The following SEMA3A variants were observed in gnomAD, a reference collection of about 807,000 sequenced individuals.
The protein encoded by SEMA3A is semaphorin-3A.
SEMA3A carries 29 observed loss-of-function variants against 97.9 expected under a neutral mutation model. That is an observed-to-expected ratio of 0.30 (90% CI 0.22 to 0.40). SEMA3A has a LOEUF of 0.40. Among genes scored for constraint, SEMA3A ranks in the 10% least tolerant of loss-of-function variants. The probability of loss-of-function intolerance (pLI) is 1.00; values close to 1 mark genes in which losing one functional copy is unlikely to be tolerated. For synonymous variants in SEMA3A, 321 were observed against 323.7 expected, an observed-to-expected ratio of 0.99 and a Z score of 0.09; for missense variants, 763 against 951.3, an observed-to-expected ratio of 0.80 and a Z score of 2.60.
intron 3 of SEMA3A, among the ~76,000 whole-genome samples, chr7:84,250,796 T>C (rs1176856736): frequency 1.3e-5 from 2 of 152,250 alleles, no homozygotes; most frequent in African/African-American, 4.8e-5. Context: ...CCTCTATCAA[T>C]AGGTTATTTT....
In SEMA3A at chr7:83,982,525, T is replaced by C. The variant is rs1180839132; in HGVS notation, c.1495-1047A>G. On this transcript the variant is annotated intron_variant, in intron 13 of 16. Coordinates refer to ENST00000265362, the MANE Select transcript of SEMA3A (RefSeq NM_006080.3). ...CATTTACTGTTATTGGCACCATAGC[T>C]CTCTTTTCTTGCACTAGAGGATTCA... Among the ~76,000 whole-genome samples, 3 of 152,158 alleles carry C rather than the reference T, an allele frequency of 2.0e-5. No individual in the cohort carries two copies. In the East Asian group the frequency reaches 5.8e-4, roughly 29 times the overall value.
chr7:84,339,082 C>T (rs1802100804), intron 2 of SEMA3A, among the ~76,000 whole-genome samples: 1 of 151,968 alleles, frequency 6.6e-6, no homozygotes. Context: ...TAATTTAGTG[C>T]CAGGAATTGC....
At chr7:84,491,278 T>G (rs1204497881) in intron 1 of SEMA3A, among the ~76,000 whole-genome samples, 7 of 152,148 alleles carry the variant, frequency 4.6e-5, no homozygotes, top group Non-Finnish European at 1.0e-4. Context: ...ACTCTACATA[T>G]GTGCATTGCC....
chr7:84,260,731 G>C (rs914920531), intron 3 of SEMA3A, among the ~76,000 whole-genome samples: 1 of 152,296 alleles, frequency 6.6e-6, no homozygotes, highest in Non-Finnish European at 1.5e-5. Flanking sequence ...AGGCCAAGGG[G>C]GGGACTGAGG....
At chr7:84,199,005 T>G (rs1005399399), upstream of SEMA3A, among the ~76,000 whole-genome samples, 6 of 152,226 alleles carry the variant, frequency 3.9e-5, no homozygotes, top group Non-Finnish European at 7.3e-5. Flanking sequence ...AACCAATGTG[T>G]CTAATTTTAA....
intron 2 of SEMA3A, among the ~76,000 whole-genome samples, chr7:84,347,410 CTTTT>C (rs549082504): frequency 7.3e-6 from 1 of 136,496 alleles, no homozygotes; most frequent in Non-Finnish European, 1.6e-5. Context: ...TTCTTCAAAC[CTTTT>C]TTTTTTTTTT....
chr7:84,185,405 C>T (rs1797846937), intron 1 of SEMA3A, among the ~76,000 whole-genome samples: 1 of 151,904 alleles, frequency 6.6e-6, no homozygotes, highest in Admixed American at 6.6e-5. Context: ...GGTGTGGTGA[C>T]TCATGCCTGT....
intron 1 of SEMA3A, among the ~76,000 whole-genome samples, chr7:84,191,455 T>C (rs1032037628): frequency 1.3e-5 from 2 of 151,726 alleles, no homozygotes; most frequent in African/African-American, 4.8e-5. Flanking sequence ...CATTGGATGA[T>C]GGAATATTTG....
At chr7:84,316,130 CAAAAAAAAAAAAAAA>C (rs202005657) in intron 2 of SEMA3A, among the ~76,000 whole-genome samples, 1,696 of 30,284 alleles carry the variant, frequency 0.056, 81 homozygotes, top group East Asian at 0.33. Context: ...GACTCTATCT[CAAAAAAAAAAAAAAA>C]AAAAAAAAAA....
At chr7:84,049,674 G>A (rs974070317) in intron 5 of SEMA3A, among the ~76,000 whole-genome samples, 27 of 151,622 alleles carry the variant, frequency 1.8e-4, no homozygotes, top group African/African-American at 6.5e-4. Flanking sequence ...GGCCACTAAT[G>A]AAGTTATCAA....
chr7:84,061,842 C>G (rs1407544110), intron 4 of SEMA3A, among the ~76,000 whole-genome samples: 5 of 152,134 alleles, frequency 3.3e-5, no homozygotes. Context: ...CTGTATTTGG[C>G]AATTAGCTGT....
At chr7:84,016,375 T>C (rs1367328141) in intron 6 of SEMA3A, among the ~76,000 whole-genome samples, 1 of 151,848 alleles carries the variant, frequency 6.6e-6, no homozygotes, top group Non-Finnish European at 1.5e-5. Context: ...CTGTCTCTAC[T>C]AAAAATACAA....
chr7:84,151,137 G>A, intron 1 of SEMA3A, among the ~76,000 whole-genome samples: 1 of 150,504 alleles, frequency 6.6e-6, no homozygotes, highest in Non-Finnish European at 1.5e-5. Flanking sequence ...ACAAAGATGG[G>A]GAAAAAACAG....
chr7:84,085,316 T>C (rs533905568), intron 4 of SEMA3A, among the ~76,000 whole-genome samples: 9 of 151,256 alleles, frequency 6.0e-5, no homozygotes, highest in Non-Finnish European at 1.3e-4. Flanking sequence ...GGGGGTGTCA[T>C]AGGAAATGAG....
chr7:84,330,575 A>G (rs912497083), intron 2 of SEMA3A, among the ~76,000 whole-genome samples: 1 of 152,082 alleles, frequency 6.6e-6, no homozygotes, highest in African/African-American at 2.4e-5. Flanking sequence ...TTCATCTCTT[A>G]TCACTGGAAG....
At chr7:84,011,122 T>G in intron 8 of SEMA3A, 31 bp from the exon 9 acceptor site, 1 of 1,606,026 alleles carries the variant, frequency 6.2e-7, no homozygotes, top group East Asian at 2.2e-5. Flanking sequence ...AGAAAGTTGC[T>G]TTTTTATGGA....
intron 1 of SEMA3A, among the ~76,000 whole-genome samples, chr7:84,451,971 C>A (rs773573469): frequency 6.6e-5 from 10 of 152,144 alleles, no homozygotes; most frequent in Non-Finnish European, 1.2e-4. Context: ...TGCAATCTTT[C>A]TTCTCCTACT....
At chr7:84,324,791 A>C (rs7808957) in intron 2 of SEMA3A, among the ~76,000 whole-genome samples, 8,910 of 152,194 alleles carry the variant, frequency 0.059, 375 homozygotes, top group African/African-American at 0.11. Flanking sequence ...ATATAGGTGA[A>C]AATGGAAAAA....
chr7:84,318,558 G>A (rs1353447028), intron 2 of SEMA3A, among the ~76,000 whole-genome samples: 3 of 151,846 alleles, frequency 2.0e-5, no homozygotes, highest in African/African-American at 7.3e-5. Flanking sequence ...TCCTGACCTC[G>A]TGATCTGCCC....
Sources: allele counts gnomAD v4.1 joint callset (sites outside exome capture counted in the v4.1 genomes callset), GRCh38; gene constraint gnomAD v4.1.1; transcripts MANE v1.5; gene names NCBI Gene and HGNC (gene_info 2026-07-23, HGNC 2026-07-21).